The following TIMM50 variants were observed in gnomAD, a reference collection of about 807,000 sequenced individuals.
TIMM50 encodes translocase of inner mitochondrial membrane 50, also known as mitochondrial import inner membrane translocase subunit TIM50.
TIMM50 carries 34 observed loss-of-function variants against 49.6 expected under a neutral mutation model. The observed-to-expected ratio is 0.69, with a 90% CI of 0.52 to 0.91. The LOEUF (loss-of-function observed/expected upper bound fraction) is 0.91. TIMM50 is among the 40% of genes least tolerant of loss of function. The pLI is 0.00. For synonymous variants in TIMM50, 199 were observed against 198.4 expected (o/e 1.00, Z -0.03); for missense variants, 458 against 477.8 (o/e 0.96, Z 0.39).
chr19:39,483,103 C>G (rs1324966732), intron 3 of TIMM50, 32 bp from the exon 4 acceptor site: 1 of 1,613,994 alleles, frequency 6.2e-7, no homozygotes, highest in Non-Finnish European at 8.5e-7. Context: ...CTCTGACATC[C>G]TAAACCTTCC....
intron 4 of TIMM50, among the ~76,000 whole-genome samples, chr19:39,484,465 G>T (rs541936754): frequency 6.6e-6 from 1 of 152,168 alleles, no homozygotes; most frequent in African/African-American, 2.4e-5. Flanking sequence ...TTAAACCAGG[G>T]TTTTTCACCC....
Position 39,485,341 on chromosome 19 carries a change from C to T in TIMM50, c.314-203C>T, listed in dbSNP as rs958069375. On this transcript the variant is annotated intron_variant, in intron 4 of 10. Coordinates refer to ENST00000607714, the MANE Select transcript of TIMM50 (RefSeq NM_001001563.5). ...GGTAGTATGTGGATATAAGTATCAG[C>T]TTAAAATAGGGCAAGTAAATAAATC... 1.3e-5 allele frequency: 8 copies of T among 624,202 alleles called. No individual in the cohort carries two copies. The African/African-American group carries it at 1.3e-4, about 10-fold the overall frequency. 38.7% of individuals were successfully genotyped at this position (624,202 alleles called of 1,614,324 possible).
chr19:39,492,549 C>T lies in TIMM50; in HGVS notation c.*2729C>T, dbSNP rs1253095900. On this transcript the variant is annotated 3_prime_UTR_variant, in exon 11 of 11. Coordinates refer to ENST00000607714, the MANE Select transcript of TIMM50 (RefSeq NM_001001563.5). The stretch of plus-strand genomic sequence containing the variant: ...TATATTCCCAGGTGCTTGCTGTTAC[C>T]AGGCCATATGGGTTATTCACAGATT... The T allele has an allele frequency of 6.6e-6, 1 of 151,908 alleles. No individual in the cohort carries two copies. Among genetic ancestry groups the T allele is most frequent in the Non-Finnish European group, 1.5e-5 (1 of 68,026 alleles). The allele number at this position is 151,908 out of a possible 1,614,324, so 9.4% of individuals were successfully genotyped here. A position where few individuals can be genotyped will look rare whatever the true frequency, so the allele number is the denominator to read the frequency against.
At position 39,492,746 on chromosome 19, in the gene TIMM50, C is replaced by G. The variant is rs1389039635; in HGVS notation, c.*2926C>G. 1.3e-5 allele frequency: 2 copies of G among 151,326 alleles called. No homozygotes were observed. Among genetic ancestry groups the G allele is most frequent in the African/African-American group, 4.9e-5 (2 of 41,098 alleles). 9.4% of individuals were successfully genotyped at this position (151,326 alleles called of 1,614,324 possible). A position where few individuals can be genotyped will look rare whatever the true frequency, so the allele number is the denominator to read the frequency against. The stretch of plus-strand genomic sequence containing the variant: ...ATTAGCTGGGCATGGTGGTGGGTGC[C>G]TGTAATCCCAGCTACTTGGGAGGCT... On this transcript the variant is annotated 3_prime_UTR_variant, in exon 11 of 11. Coordinates refer to ENST00000607714, the MANE Select transcript of TIMM50 (RefSeq NM_001001563.5).
intron 8 of TIMM50, among the ~76,000 whole-genome samples, chr19:39,487,673 G>A (rs1052565608): frequency 6.6e-6 from 1 of 152,098 alleles, no homozygotes; most frequent in African/African-American, 2.4e-5. Flanking sequence ...TGCCCAGGCT[G>A]GTTTTGAACT....
At chr19:39,484,142 C>G (rs1303419856) in intron 4 of TIMM50, among the ~76,000 whole-genome samples, 1 of 152,206 alleles carries the variant, frequency 6.6e-6, no homozygotes, top group African/African-American at 2.4e-5. Flanking sequence ...CTTGAGCCAC[C>G]ACTCCTGGCC....
intron 2 of TIMM50, among the ~76,000 whole-genome samples, chr19:39,482,320 T>G (rs2079477765): frequency 6.6e-6 from 1 of 152,106 alleles, no homozygotes; most frequent in African/African-American, 2.4e-5. Context: ...ACTTTGTCTT[T>G]CCTCAGCAGC....
chr19:39,484,044 G>C (rs1413896693), intron 4 of TIMM50, among the ~76,000 whole-genome samples: 1 of 152,002 alleles, frequency 6.6e-6, no homozygotes, highest in Non-Finnish European at 1.5e-5. Context: ...AGTAGAGACA[G>C]GGTTTCACCA....
intron 1 of TIMM50, among the ~76,000 whole-genome samples, chr19:39,481,477 A>C (rs747802541): frequency 1.3e-5 from 2 of 151,858 alleles, no homozygotes; most frequent in Non-Finnish European, 2.9e-5. Context: ...TAACTCTGCT[A>C]CTTTTAGCCC....
Position 39,480,848 on chromosome 19 carries a change from C to CG in TIMM50, c.-5dup. 6.3e-7 allele frequency: 1 copy of CG among 1,594,636 alleles called. No homozygotes were observed. The highest frequency in any genetic ancestry group is 8.5e-7 in the Non-Finnish European group (1 of 1,171,670). The stretch of plus-strand genomic sequence containing the variant: ...AGTGGGCGGGGCCGCGTGGCGTCAG[C>CG]GCAAGATGGCGGCCTCGGCAGCGGT... On this transcript the variant is annotated 5_prime_UTR_variant, in exon 1 of 11. Coordinates refer to ENST00000607714, the MANE Select transcript of TIMM50 (RefSeq NM_001001563.5).
chr19:39,481,080 TTG>T, intron 1 of TIMM50, 119 bp downstream of exon 1: 2 of 1,318,632 alleles, frequency 1.5e-6, no homozygotes, highest in Non-Finnish European at 2.0e-6. Context: ...GAAACGCCGC[TTG>T]TGTTTTGGGG....
intron 10 of TIMM50, 135 bp from the exon 11 acceptor site, chr19:39,489,584 G>T: frequency 1.2e-6 from 1 of 850,984 alleles, no homozygotes; most frequent in Non-Finnish European, 1.8e-6. Context: ...CCAGGGTTTG[G>T]GGAAAGGGGT....
chr19:39,482,781 CTCTT>C (rs1445728556), intron 2 of TIMM50, 100 bp from the exon 3 acceptor site: 19 of 1,515,660 alleles, frequency 1.3e-5, no homozygotes, highest in Non-Finnish European at 1.5e-5. Context: ...CTGTGCCTCT[CTCTT>C]TCCTCAGATC....
Position 39,481,790 on chromosome 19 carries a change from T to G in TIMM50, c.109-93T>G, listed in dbSNP as rs117235757. 9.7e-4 allele frequency: 1,459 copies of G among 1,499,878 alleles called. 18 individuals are homozygous for G. In the East Asian group the frequency reaches 0.024, roughly 25 times the overall value. 92.9% of individuals were successfully genotyped at this position (1,499,878 alleles called of 1,614,324 possible). A position where few individuals can be genotyped will look rare whatever the true frequency, so the allele number is the denominator to read the frequency against. ...CCAGGGCTCTGTGGGTGTCTGCCTC[T>G]TGGCTCCTGAACTTGATTCTTCTTG... On this transcript the variant is annotated intron_variant, in intron 1 of 10. Coordinates refer to ENST00000607714, the MANE Select transcript of TIMM50 (RefSeq NM_001001563.5).
rs1367271105 is a variant in TIMM50, at chr19:39,488,071, G to T, written c.707G>T (p.Cys236Phe). ...MDGHHVKDIS[C>F]LNRDPARVVV... ...GTCACTCACTTCCAGGATATTTCAT[G>T]TCTGAATCGGGACCCAGCTCGAGTA... The change falls in exon 9 of 11, where the codon TGT becomes TTT. Residue 236 changes from cysteine to phenylalanine, a missense_variant. By Grantham distance (205) the Cys-to-Phe change is radical. Coordinates refer to ENST00000607714, the MANE Select transcript of TIMM50 (RefSeq NM_001001563.5). The T allele has an allele frequency of 6.2e-7, 1 of 1,610,014 alleles. No individual in the cohort carries two copies. The highest frequency in any genetic ancestry group is 1.1e-5 in the South Asian group (1 of 90,978).
At chr19:39,483,463 G>A (rs2288934) in intron 4 of TIMM50, 223,928 of 386,656 alleles carry the variant, frequency 0.58, 67,409 homozygotes, top group African/African-American at 0.81. Flanking sequence ...AAGCATCTGC[G>A]GTTCCCAACT....
chr19:39,481,829 G>A (rs1235814006), intron 1 of TIMM50, 54 bp from the exon 2 acceptor site: 4 of 1,579,784 alleles, frequency 2.5e-6, no homozygotes, highest in South Asian at 1.1e-5. Context: ...TGGAGGGTGG[G>A]GACCATCCTG....
At chr19:39,481,322 CGT>C (rs2079469980) in intron 1 of TIMM50, 1 of 351,546 alleles carries the variant, frequency 2.8e-6, no homozygotes, top group Non-Finnish European at 5.2e-6. Flanking sequence ...GCGAGGTAGA[CGT>C]TTGGGTTTCC....
rs775277305 is a variant in TIMM50 at position 39,488,140 on chromosome 19, A to G, written c.776A>G (p.Tyr259Cys). 8 of 1,614,140 alleles carry G rather than the reference A, an allele frequency of 5.0e-6. No individual in the cohort carries two copies. The highest frequency in any genetic ancestry group is 4.5e-5 in the East Asian group (2 of 44,878). Reference sequence around the variant, plus strand: ...AAGGAAGCCTTCCGCCTGCAGCCCTATAACGGCGTTGCCCTGCGGCCCTGG... The same window carrying G: ...AAGGAAGCCTTCCGCCTGCAGCCCTGTAACGGCGTTGCCCTGCGGCCCTGG... ...CKKEAFRLQPYNGVALRPWDG... is the reference protein window; with the variant it reads ...CKKEAFRLQPCNGVALRPWDG... Residue 259 changes from tyrosine (Y) to cysteine (C), a missense_variant, in exon 9 of 11, where the codon TAT (tyrosine) becomes TGT (cysteine). Coordinates refer to ENST00000607714, the MANE Select transcript of TIMM50 (RefSeq NM_001001563.5).
Sources: gnomAD v4.1 joint callset for allele counts (sites outside exome capture counted in the v4.1 genomes callset) on GRCh38, gnomAD v4.1.1 for gene constraint, MANE v1.5 for transcripts, NCBI Gene and HGNC (gene_info 2026-07-23, HGNC 2026-07-21) for gene names.